The following FRMD1 variants were observed in gnomAD, a reference collection of about 807,000 sequenced individuals.
The protein encoded by FRMD1 is FERM domain-containing protein 1.
A neutral mutation model predicts 54.9 loss-of-function variants in FRMD1; 51 were observed. The ratio of observed to expected loss-of-function variants is 0.93; its 90% CI spans 0.74 to 1.17. The LOEUF is 1.17. Among genes scored for constraint, FRMD1 ranks in the 50% most tolerant of loss-of-function variants. The pLI is 0.00. For missense variants in FRMD1, 729 were observed against 743.0 expected (o/e 0.98, Z 0.22); for synonymous variants, 324 against 306.4 (o/e 1.06, Z -0.60).
intron 6 of FRMD1, among the ~76,000 whole-genome samples, 167 bp downstream of exon 6, chr6:168,063,434 C>T (rs1181273699): frequency 2.0e-5 from 3 of 150,424 alleles, no homozygotes; most frequent in Non-Finnish European, 3.0e-5. Context: ...CACTCTTAGC[C>T]ATGGGGGCTC....
At position 168,075,368 on chromosome 6, in the gene FRMD1, G is replaced by A. The variant is rs750525739; in HGVS notation, c.214-33C>T. 17 of 1,577,160 alleles carry A rather than the reference G, an allele frequency of 1.1e-5. No individual in the cohort carries two copies. In the South Asian group the frequency reaches 1.9e-4, roughly 17 times the overall value. ...AGAGGTGGGGAGGGGTTCAGGGAGG[G>A]GCCGGCACCTGTCCCCAGGGAGGCC... On this transcript the variant is annotated intron_variant, in intron 1 of 10. Coordinates refer to ENST00000283309, the MANE Select transcript of FRMD1 (RefSeq NM_024919.6).
chr6:168,090,170 C>T (rs565413745), intron 1 of FRMD1, among the ~76,000 whole-genome samples: 12 of 152,038 alleles, frequency 7.9e-5, no homozygotes, highest in African/African-American at 2.7e-4. Context: ...TCGTCTCCCT[C>T]CTGAATGTTG....
rs146200905 is a variant in FRMD1, at chr6:168,078,969, C to G, written c.126G>C (p.Pro42=). The change falls in exon 1 of 11, where the codon CCG becomes CCC. Residue 42 remains proline, a synonymous_variant. Coordinates refer to ENST00000283309, the MANE Select transcript of FRMD1 (RefSeq NM_024919.6). The stretch of plus-strand genomic sequence containing the variant: ...AGGCCATCGCGTCCATTCCCAGGGT[C>G]GGCTCCTGCTGACTGCATGCAGGCC... ...PERPACSQQE[P]TLGMDAMASE... is the part of the protein sequence containing the mutation. 152 of 1,611,660 alleles carry G rather than the reference C, an allele frequency of 9.4e-5. 1 individual carries two copies. The East Asian group carries it at 3.3e-3, about 35-fold the overall frequency.
upstream of FRMD1, among the ~76,000 whole-genome samples, chr6:168,084,989 C>T (rs566633618): frequency 3.1e-4 from 47 of 152,308 alleles, no homozygotes; most frequent in African/African-American, 9.6e-4. Context: ...GCCCCGTGGA[C>T]GTGGGTGTCA....
intron 2 of FRMD1, among the ~76,000 whole-genome samples, chr6:168,069,719 C>A (rs1294816521): frequency 6.6e-6 from 1 of 152,164 alleles, no homozygotes; most frequent in Non-Finnish European, 1.5e-5. Context: ...TCAAACACTA[C>A]GAGAACAATA....
chr6:168,058,651 G>A (rs565399780), intron 10 of FRMD1, among the ~76,000 whole-genome samples: 1 of 152,166 alleles, frequency 6.6e-6, no homozygotes, highest in Non-Finnish European at 1.5e-5. Context: ...CCACTGGCTC[G>A]CTTCTCCTCT....
Position 168,057,060 on chromosome 6 carries a change from C to A in FRMD1, c.*37G>T. 2.1e-6 allele frequency: 3 copies of A among 1,439,392 alleles called. No homozygotes were observed. Among genetic ancestry groups the A allele is most frequent in the Non-Finnish European group, 2.7e-6 (3 of 1,093,596 alleles). 89.2% of individuals were successfully genotyped at this position (1,439,392 alleles called of 1,614,324 possible). On this transcript the variant is annotated 3_prime_UTR_variant, in exon 11 of 11. Coordinates refer to ENST00000283309, the MANE Select transcript of FRMD1 (RefSeq NM_024919.6). ...GGAAGTGGGGTGGGCAGGGGCTGAG[C>A]CTGGCGGTGCGGACGGTACTGCTGG...
chr6:168,061,790 A>G lies in FRMD1; in HGVS notation c.1045+17T>C, dbSNP rs763039562. The G allele has an allele frequency of 2.6e-6, 4 of 1,541,614 alleles. No homozygotes were observed. In the South Asian group the frequency reaches 4.8e-5, roughly 18 times the overall value. Reference sequence around the variant, plus strand: ...ACAGTCCGGCTGCGGAGCCCAGCATACCCAGCCCAGCCCCACCTTCTGCCT... The same window carrying G: ...ACAGTCCGGCTGCGGAGCCCAGCATGCCCAGCCCAGCCCCACCTTCTGCCT... On this transcript the variant is annotated intron_variant, in intron 8 of 10. Coordinates refer to ENST00000283309, the MANE Select transcript of FRMD1 (RefSeq NM_024919.6).
chr6:168,078,558 G>A (rs1420393249), intron 1 of FRMD1, among the ~76,000 whole-genome samples: 28 of 53,936 alleles, frequency 5.2e-4, no homozygotes, highest in African/African-American at 1.6e-3. Flanking sequence ...TCACCCCCAC[G>A]GCTCTGCTCA....
At chr6:168,092,663 A>G (rs1801034340) in intron 1 of FRMD1, among the ~76,000 whole-genome samples, 2 of 152,224 alleles carry the variant, frequency 1.3e-5, no homozygotes, top group Non-Finnish European at 2.9e-5. Context: ...CAAATTGCCC[A>G]GTGCCTTGAT....
intron 1 of FRMD1, chr6:168,075,649 C>T (rs573875102): frequency 2.2e-4 from 216 of 982,850 alleles, no homozygotes; most frequent in Non-Finnish European, 3.1e-4. Flanking sequence ...CACGATGCAG[C>T]GTCAACTCCA....
rs1232457239 is a variant in FRMD1, at chr6:168,057,082, C to A, written c.*15G>T. ...GAGCCTGGCGGTGCGGACGGTACTG[C>A]TGGGTGGGTGGTGCCTACACCACAA... On this transcript the variant is annotated 3_prime_UTR_variant, in exon 11 of 11. Transcript: ENST00000283309. 1.4e-6 allele frequency: 2 copies of A among 1,467,628 alleles called. No homozygotes were observed. Among genetic ancestry groups the A allele is most frequent in the Non-Finnish European group, 1.8e-6 (2 of 1,105,794 alleles). The allele number at this position is 1,467,628 out of a possible 1,614,324, so 90.9% of individuals were successfully genotyped here.
Position 168,079,030 on chromosome 6 carries a change from G to T in FRMD1, c.65C>A (p.Pro22His). The T allele has an allele frequency of 6.2e-7, 1 of 1,611,944 alleles. No homozygotes were observed. Among genetic ancestry groups the T allele is most frequent in the Non-Finnish European group, 8.5e-7 (1 of 1,179,958 alleles). Residue 22 changes from proline (P) to histidine (H), a missense_variant, in exon 1 of 11, where the codon CCT (proline) becomes CAT (histidine). Transcript: ENST00000283309. ...PARTNPDTFP[P>H]SGARCMEPSP... ...GGGTTCCATACATCGCGCCCCTGAAGGAGGGAACGTGTCAGGGTTTGTCCG... is the reference window on the plus strand; with the variant it reads ...GGGTTCCATACATCGCGCCCCTGAATGAGGGAACGTGTCAGGGTTTGTCCG...
At position 168,055,775 on chromosome 6, in the gene FRMD1, CA is replaced by C. The variant is rs1562399777; in HGVS notation, c.*1321del. On this transcript the variant is annotated 3_prime_UTR_variant, in exon 11 of 11. Coordinates refer to ENST00000283309, the MANE Select transcript of FRMD1 (RefSeq NM_024919.6). ...TACAGCCGGCATCTCACCAGCCCCC[CA>C]GGCAGGCTGGTCCTGGTTCAAGCAG... is the stretch of plus-strand genomic sequence containing the variant. 6.6e-6 allele frequency: 1 copy of C among 152,166 alleles called. No individual in the cohort carries two copies. Among genetic ancestry groups the C allele is most frequent in the Non-Finnish European group, 1.5e-5 (1 of 68,040 alleles). The allele number at this position is 152,166 out of a possible 1,614,324, so 9.4% of individuals were successfully genotyped here. A position where few individuals can be genotyped will look rare whatever the true frequency, so the allele number is the denominator to read the frequency against.
chr6:168,081,514 C>A (rs1264829771), upstream of FRMD1: 43 of 1,529,174 alleles, frequency 2.8e-5, no homozygotes, highest in Non-Finnish European at 3.5e-5. Context: ...CCAACTCTCT[C>A]TTCTTCTGGA....
In FRMD1 at chr6:168,057,071, G is replaced by A. The variant is rs373423599; in HGVS notation, c.*26C>T. The A allele has an allele frequency of 1.4e-5, 20 of 1,451,108 alleles. No homozygotes were observed. The highest frequency in any genetic ancestry group is 8.6e-5 in the African/African-American group (6 of 69,462). The allele number at this position is 1,451,108 out of a possible 1,614,324, so 89.9% of individuals were successfully genotyped here. On this transcript the variant is annotated 3_prime_UTR_variant, in exon 11 of 11. Transcript: ENST00000283309. ...GGGCAGGGGCTGAGCCTGGCGGTGCGGACGGTACTGCTGGGTGGGTGGTGC... is the reference window on the plus strand; with the variant it reads ...GGGCAGGGGCTGAGCCTGGCGGTGCAGACGGTACTGCTGGGTGGGTGGTGC...
chr6:168,069,623 C>T (rs1436889135), intron 2 of FRMD1, among the ~76,000 whole-genome samples: 1 of 152,222 alleles, frequency 6.6e-6, no homozygotes, highest in Non-Finnish European at 1.5e-5. Context: ...AATCACCCCA[C>T]TGTATCCTTA....
chr6:168,092,808 G>A (rs573602569), intron 1 of FRMD1, among the ~76,000 whole-genome samples: 36 of 152,354 alleles, frequency 2.4e-4, no homozygotes, highest in South Asian at 8.3e-4. Context: ...TGACCTCTGC[G>A]GCAGCCACCC....
chr6:168,082,263 A>G (rs1051903428), upstream of FRMD1, among the ~76,000 whole-genome samples: 1 of 152,170 alleles, frequency 6.6e-6, no homozygotes, highest in Non-Finnish European at 1.5e-5. Context: ...TGGCCGCAAC[A>G]CCCAGTCTGT....
Sources: allele counts gnomAD v4.1 joint callset (sites outside exome capture counted in the v4.1 genomes callset), GRCh38; gene constraint gnomAD v4.1.1; transcripts MANE v1.5; gene names NCBI Gene and HGNC (gene_info 2026-07-23, HGNC 2026-07-21).